The following NRXN1 variants were observed in gnomAD, a reference collection of about 807,000 sequenced individuals.
NRXN1 encodes neurexin 1, also known as neurexin-1.
In NRXN1, 39 loss-of-function variants were observed where a neutral mutation model predicts 150.9. The ratio of observed to expected loss-of-function variants is 0.26; its 90% CI spans 0.20 to 0.34. The LOEUF is 0.34. Ranked by LOEUF, NRXN1 falls within the 10% of genes least tolerant of loss-of-function variation. NRXN1 has a pLI of 1.00. For missense variants in NRXN1, 1,815 were observed against 1,949.9 expected (o/e 0.93, Z 1.30); for synonymous variants, 924 against 757.0 (o/e 1.22, Z -3.62).
At chr2:50,364,790 C>T (rs577856823) in intron 17 of NRXN1, among the ~76,000 whole-genome samples, 1 of 152,012 alleles carries the variant, frequency 6.6e-6, no homozygotes, top group Non-Finnish European at 1.5e-5. Flanking sequence ...TGAAGAAAAG[C>T]AATTTCCTAC....
intron 13 of NRXN1, among the ~76,000 whole-genome samples, chr2:50,503,256 T>G (rs2092045040): frequency 6.6e-6 from 1 of 150,576 alleles, no homozygotes; most frequent in Admixed American, 6.7e-5. Context: ...TGCAGTGAGC[T>G]GAGATCACTC....
chr2:50,082,572 CTG>C (rs1477706340), intron 19 of NRXN1, among the ~76,000 whole-genome samples: 5 of 152,262 alleles, frequency 3.3e-5, no homozygotes, highest in African/African-American at 1.2e-4. Flanking sequence ...TTTTCAGAAT[CTG>C]AGAACTTTTA....
chr2:50,266,564 C>A (rs969839626), intron 17 of NRXN1, among the ~76,000 whole-genome samples: 1 of 52,536 alleles, frequency 1.9e-5, no homozygotes, highest in Non-Finnish European at 4.4e-5. Context: ...CACACACACA[C>A]ACACACACAT....
intron 4 of NRXN1, 122 bp downstream of exon 4, chr2:50,922,536 T>A: frequency 1.1e-6 from 1 of 885,998 alleles, no homozygotes; most frequent in Non-Finnish European, 1.9e-6. Context: ...ACAAAAGATA[T>A]GTATTTAATT....
At chr2:50,836,277 G>T (rs531099572) in intron 5 of NRXN1, among the ~76,000 whole-genome samples, 11 of 151,926 alleles carry the variant, frequency 7.2e-5, no homozygotes, top group African/African-American at 2.7e-4. Flanking sequence ...ATTAAATCAG[G>T]GTAATTAACA....
chr2:50,941,851 G>A (rs1157187653), intron 2 of NRXN1, among the ~76,000 whole-genome samples: 1 of 152,116 alleles, frequency 6.6e-6, no homozygotes, highest in African/African-American at 2.4e-5. Flanking sequence ...AAAGCTAGCT[G>A]CAGAAATTTG....
chr2:50,415,150 T>C (rs2083448520), intron 17 of NRXN1, among the ~76,000 whole-genome samples: 1 of 152,084 alleles, frequency 6.6e-6, no homozygotes, highest in Non-Finnish European at 1.5e-5. Flanking sequence ...GTTTTAGTGC[T>C]TTTAAAATTG....
chr2:50,935,114 A>G (rs1688329811), intron 2 of NRXN1, among the ~76,000 whole-genome samples: 1 of 152,196 alleles, frequency 6.6e-6, no homozygotes, highest in African/African-American at 2.4e-5. Flanking sequence ...AGCTTTTAAC[A>G]GAGTAGTTTT....
At chr2:50,863,319 G>C (rs868316185) in intron 5 of NRXN1, among the ~76,000 whole-genome samples, 1 of 151,986 alleles carries the variant, frequency 6.6e-6, no homozygotes, top group African/African-American at 2.4e-5. Context: ...TTACACCACC[G>C]CAGCAATTTC....
intron 5 of NRXN1, among the ~76,000 whole-genome samples, chr2:50,899,394 G>A (rs1007129529): frequency 1.3e-5 from 2 of 152,068 alleles, no homozygotes; most frequent in African/African-American, 4.8e-5. Context: ...CTTAAAAGGA[G>A]GGTCTTCCCA....
chr2:50,432,974 G>T (rs890189796), intron 17 of NRXN1, among the ~76,000 whole-genome samples: 1 of 152,100 alleles, frequency 6.6e-6, no homozygotes, highest in African/African-American at 2.4e-5. Flanking sequence ...ACCTAAACCA[G>T]TTAAGGCAAA....
chr2:50,924,856 G>A (rs1319332750), intron 3 of NRXN1, among the ~76,000 whole-genome samples: 1 of 151,752 alleles, frequency 6.6e-6, no homozygotes, highest in East Asian at 2.0e-4. Flanking sequence ...GTATTATCAT[G>A]AAGTGTTCTT....
At chr2:50,364,562 C>T (rs1239455643) in intron 17 of NRXN1, among the ~76,000 whole-genome samples, 1 of 152,156 alleles carries the variant, frequency 6.6e-6, no homozygotes, top group Admixed American at 6.5e-5. Context: ...TCAATTCTCT[C>T]CTGCTTCTCT....
chr2:50,994,648 T>C (rs564288688), intron 2 of NRXN1, among the ~76,000 whole-genome samples: 2 of 152,074 alleles, frequency 1.3e-5, no homozygotes, highest in Admixed American at 6.6e-5. Flanking sequence ...GCATTAGTTC[T>C]GTGTAATGCA....
At chr2:50,505,102 G>T (rs1302265357) in intron 13 of NRXN1, among the ~76,000 whole-genome samples, 1 of 152,022 alleles carries the variant, frequency 6.6e-6, no homozygotes, top group African/African-American at 2.4e-5. Context: ...TTATATGTAT[G>T]TATGTATTTG....
intron 17 of NRXN1, among the ~76,000 whole-genome samples, chr2:50,453,640 T>C (rs2087224201): frequency 6.6e-6 from 1 of 152,192 alleles, no homozygotes; most frequent in Non-Finnish European, 1.5e-5. Flanking sequence ...ATCTTTTGCA[T>C]AATTAATACG....
At chr2:50,384,254 C>G (rs1261256726) in intron 17 of NRXN1, among the ~76,000 whole-genome samples, 1 of 152,052 alleles carries the variant, frequency 6.6e-6, no homozygotes, top group East Asian at 1.9e-4. Flanking sequence ...TGCCTGTAAT[C>G]CCAGCACTTT....
chr2:50,746,880 C>G (rs528612618), intron 5 of NRXN1, among the ~76,000 whole-genome samples: 2 of 152,066 alleles, frequency 1.3e-5, no homozygotes, highest in Non-Finnish European at 2.9e-5. Flanking sequence ...TTGTGGAAGA[C>G]AGATGAATGC....
At chr2:50,689,678 G>C (rs1250832678) in intron 5 of NRXN1, among the ~76,000 whole-genome samples, 1 of 152,144 alleles carries the variant, frequency 6.6e-6, no homozygotes, top group East Asian at 1.9e-4. Context: ...CCATCTCTGT[G>C]TTCTCCAAAA....
Sources: gnomAD v4.1 joint callset for allele counts (sites outside exome capture counted in the v4.1 genomes callset) on GRCh38, gnomAD v4.1.1 for gene constraint, MANE v1.5 for transcripts, NCBI Gene and HGNC (gene_info 2026-07-23, HGNC 2026-07-21) for gene names.